Variants in RALGPS1 observed in about 807,000 individuals in gnomAD.
The protein encoded by RALGPS1 is ras-specific guanine nucleotide-releasing factor RalGPS1.
A neutral mutation model predicts 78.8 loss-of-function variants in RALGPS1; 19 were observed. That is an observed-to-expected ratio of 0.24 (90% CI 0.17 to 0.35). RALGPS1 has a LOEUF of 0.35. RALGPS1 is among the 10% of genes least tolerant of loss of function. RALGPS1 has a pLI of 1.00. For missense variants in RALGPS1, 454 were observed against 688.3 expected (o/e 0.66, Z 3.81); for synonymous variants, 228 against 256.3 (o/e 0.89, Z 1.06).
At chr9:127,163,340 A>G (rs1010216249) in intron 8 of RALGPS1, among the ~76,000 whole-genome samples, 3 of 152,134 alleles carry the variant, frequency 2.0e-5, no homozygotes, top group Admixed American at 6.5e-5. Flanking sequence ...ACTGAGTTAC[A>G]TTTTTAAGAG....
chr9:126,936,870 C>T (rs2036309965), intron 1 of RALGPS1, among the ~76,000 whole-genome samples: 1 of 141,590 alleles, frequency 7.1e-6, no homozygotes, highest in South Asian at 2.2e-4. Context: ...TTTTTTGAGA[C>T]ATAGTCTCGC....
At chr9:127,102,891 T>C (rs970377652) in intron 8 of RALGPS1, among the ~76,000 whole-genome samples, 1 of 152,230 alleles carries the variant, frequency 6.6e-6, no homozygotes, top group Non-Finnish European at 1.5e-5. Flanking sequence ...GAAAGTATTG[T>C]ACAGTGGAAA....
chr9:127,148,533 GTGTTGGTTTGCTTAT>G (rs1469945584), intron 8 of RALGPS1, among the ~76,000 whole-genome samples: 1 of 152,248 alleles, frequency 6.6e-6, no homozygotes, highest in East Asian at 1.9e-4. Context: ...GCCAGGCACC[GTGTTGGTTTGCTTAT>G]ATGACCTCAC....
chr9:127,174,636 G>A, intron 10 of RALGPS1, 79 bp from the exon 11 acceptor site: 1 of 1,294,590 alleles, frequency 7.7e-7, no homozygotes, highest in Non-Finnish European at 1.1e-6. Context: ...TGTGACTATA[G>A]TAGCTTTTCC....
chr9:126,982,857 C>CCTCCTT (rs2041399511), intron 4 of RALGPS1, among the ~76,000 whole-genome samples: 1 of 147,124 alleles, frequency 6.8e-6, no homozygotes, highest in Non-Finnish European at 1.5e-5. Context: ...TCTTCCTCCT[C>CCTCCTT]CTTCTTCTTC....
At chr9:126,951,180 C>T (rs369342326) in intron 1 of RALGPS1, among the ~76,000 whole-genome samples, 18 of 151,130 alleles carry the variant, frequency 1.2e-4, no homozygotes, top group African/African-American at 4.3e-4. Flanking sequence ...TAATCAATAG[C>T]TTACCAACCA....
At chr9:127,083,728 C>T (rs899379572) in intron 8 of RALGPS1, among the ~76,000 whole-genome samples, 1 of 152,184 alleles carries the variant, frequency 6.6e-6, no homozygotes, top group Non-Finnish European at 1.5e-5. Flanking sequence ...TTTCTTTTCC[C>T]AGTCAAAGCT....
intron 4 of RALGPS1, among the ~76,000 whole-genome samples, chr9:127,033,495 T>A (rs1020729629): frequency 6.6e-6 from 1 of 152,234 alleles, no homozygotes; most frequent in Non-Finnish European, 1.5e-5. Flanking sequence ...CTAAAGATCT[T>A]ATGAAAACTC....
chr9:127,218,836 G>A lies in RALGPS1; in HGVS notation c.*67G>A. On this transcript the variant is annotated 3_prime_UTR_variant, in exon 19 of 19. Transcript: ENST00000259351. The surrounding 1 kb of genome is among the most constrained non-coding windows in gnomAD (Gnocchi z 4.4). Reference sequence around the variant, plus strand: ...CCCAGGCTGGGCCTGGTGGTGAAGAGCAGTCCTGGGCACAGGCTGTGAGCC... The same window carrying A: ...CCCAGGCTGGGCCTGGTGGTGAAGAACAGTCCTGGGCACAGGCTGTGAGCC... 1 of 1,530,450 alleles carries A rather than the reference G, an allele frequency of 6.5e-7. No individual in the cohort carries two copies. Among genetic ancestry groups the A allele is most frequent in the South Asian group, 1.1e-5 (1 of 89,382 alleles). The allele number at this position is 1,530,450 out of a possible 1,614,324, so 94.8% of individuals were successfully genotyped here.
intron 8 of RALGPS1, chr9:127,079,954 A>T (rs2051022405): frequency 6.6e-6 from 1 of 152,254 alleles, no homozygotes; most frequent in African/African-American, 2.4e-5. Context: ...ACCAATCTGT[A>T]CTGGGACAAA....
chr9:127,013,116 A>G (rs566427442), intron 4 of RALGPS1, among the ~76,000 whole-genome samples: 1 of 152,328 alleles, frequency 6.6e-6, no homozygotes, highest in East Asian at 1.9e-4. Flanking sequence ...ATGGCATTTC[A>G]GGTACCAGGA....
At chr9:127,003,634 G>GGT (rs1450091567) in intron 4 of RALGPS1, among the ~76,000 whole-genome samples, 1 of 151,960 alleles carries the variant, frequency 6.6e-6, no homozygotes, top group Non-Finnish European at 1.5e-5. Context: ...TGGCTCGTAA[G>GGT]GTGTGTGTAT....
At chr9:126,978,688 G>A (rs953864138) in intron 4 of RALGPS1, among the ~76,000 whole-genome samples, 4 of 152,054 alleles carry the variant, frequency 2.6e-5, no homozygotes, top group African/African-American at 7.2e-5. Context: ...AATTCATGGG[G>A]TGAGTTCAGG....
Position 127,222,647 on chromosome 9 carries a change from C to G in RALGPS1, c.*3878C>G, listed in dbSNP as rs1252840665. 1 of 152,548 alleles carries G rather than the reference C, an allele frequency of 6.6e-6. No individual in the cohort carries two copies. The highest frequency in any genetic ancestry group is 6.5e-5 in the Admixed American group (1 of 15,288). 9.4% of individuals were successfully genotyped at this position (152,548 alleles called of 1,614,324 possible). On this transcript the variant is annotated 3_prime_UTR_variant, in exon 19 of 19. Transcript: ENST00000259351. ...GCAGCAACACAGGAGATCATCTGTC[C>G]ATTTTAGAACCATTAATCTCTTTAT...
At chr9:127,098,279 A>G (rs998527961) in intron 8 of RALGPS1, among the ~76,000 whole-genome samples, 1 of 152,244 alleles carries the variant, frequency 6.6e-6, no homozygotes, top group African/African-American at 2.4e-5. Context: ...CCTTTGGACC[A>G]GTGCAGAGTA....
Position 127,219,486 on chromosome 9 carries a change from T to C in RALGPS1, c.*717T>C, listed in dbSNP as rs1337321995. The C allele has an allele frequency of 6.5e-6, 1 of 152,814 alleles. No homozygotes were observed. The allele number at this position is 152,814 out of a possible 1,614,324, so 9.5% of individuals were successfully genotyped here. ...ATGCCTTAAATTGTGTCTTGTTTTC[T>C]GTTCCTATGGGTGCTATTCATCTGG... is the stretch of plus-strand genomic sequence containing the variant. On this transcript the variant is annotated 3_prime_UTR_variant, in exon 19 of 19. Transcript: ENST00000259351. The surrounding 1 kb of genome is among the most constrained non-coding windows in gnomAD (Gnocchi z 5.0).
chr9:127,215,077 G>A (rs973064206), intron 18 of RALGPS1, among the ~76,000 whole-genome samples: 2 of 152,164 alleles, frequency 1.3e-5, no homozygotes, highest in Non-Finnish European at 2.9e-5. Context: ...TCCCACAATA[G>A]GAAATGCCAC....
intron 7 of RALGPS1, among the ~76,000 whole-genome samples, chr9:127,054,996 T>TGAGAGAGAGAGAGAGAGA (rs10555826): frequency 4.3e-5 from 6 of 139,214 alleles, no homozygotes; most frequent in Non-Finnish European, 7.7e-5. Context: ...AGAGATTGAT[T>TGAGAGAGAGAGAGAGAGA]GAGAGAGAGA....
intron 1 of RALGPS1, among the ~76,000 whole-genome samples, chr9:126,955,549 A>G (rs935694231): frequency 3.3e-5 from 5 of 152,258 alleles, no homozygotes; most frequent in African/African-American, 1.2e-4. Context: ...GTTATTGAAT[A>G]CAATAATAAA....
Sources: allele counts gnomAD v4.1 joint callset (sites outside exome capture counted in the v4.1 genomes callset), GRCh38; gene constraint gnomAD v4.1.1; non-coding constraint Gnocchi (gnomAD v3.1); transcripts MANE v1.5; gene names NCBI Gene and HGNC (gene_info 2026-07-23, HGNC 2026-07-21).